DACH1: variants seen among roughly 807,000 people sequenced by gnomAD.
DACH1 encodes the protein dachshund homolog 1.
In DACH1, 12 loss-of-function variants were observed where a neutral mutation model predicts 54.2. The observed-to-expected ratio is 0.22, with a 90% CI of 0.14 to 0.36. The LOEUF is 0.36. Among genes scored for constraint, DACH1 ranks in the 10% least tolerant of loss-of-function variants. DACH1 has a pLI of 1.00. For missense variants in DACH1, 805 were observed against 929.8 expected (o/e 0.87, Z 1.75); for synonymous variants, 386 against 366.2 (o/e 1.05, Z -0.62).
At chr13:71,731,362 G>C (rs1040638622) in intron 1 of DACH1, among the ~76,000 whole-genome samples, 25 of 150,418 alleles carry the variant, frequency 1.7e-4, no homozygotes, top group African/African-American at 5.9e-4. Flanking sequence ...CACCATCTCG[G>C]CTCACTGCAA....
At chr13:71,755,679 A>T (rs892885352) in intron 1 of DACH1, among the ~76,000 whole-genome samples, 3 of 152,166 alleles carry the variant, frequency 2.0e-5, no homozygotes, top group African/African-American at 7.2e-5. Flanking sequence ...CTTCACATAG[A>T]TCTTTAAGAA....
chr13:71,796,081 C>G (rs1016162151), intron 1 of DACH1, among the ~76,000 whole-genome samples: 1 of 152,114 alleles, frequency 6.6e-6, no homozygotes, highest in African/African-American at 2.4e-5. Context: ...ACTGAACATG[C>G]TTCTTTTAAG....
At chr13:71,783,872 A>G (rs186321335) in intron 1 of DACH1, among the ~76,000 whole-genome samples, 1 of 151,408 alleles carries the variant, frequency 6.6e-6, no homozygotes, top group African/African-American at 2.4e-5. Context: ...TAAGAGGTAT[A>G]AAAATAAAAA....
At chr13:71,833,614 G>A (rs1888672641) in intron 1 of DACH1, among the ~76,000 whole-genome samples, 2 of 151,900 alleles carry the variant, frequency 1.3e-5, no homozygotes. Context: ...CACCAACTAT[G>A]GGATTTGGTG....
chr13:71,838,850 T>C (rs1888905516), intron 1 of DACH1, among the ~76,000 whole-genome samples: 2 of 152,254 alleles, frequency 1.3e-5, no homozygotes, highest in Admixed American at 1.3e-4. Context: ...CCGTGGAGCC[T>C]ACCTTTGTGG....
chr13:71,482,959 C>T (rs982503361), intron 7 of DACH1, among the ~76,000 whole-genome samples: 1 of 151,966 alleles, frequency 6.6e-6, no homozygotes, highest in Non-Finnish European at 1.5e-5. Flanking sequence ...TGCCACCATA[C>T]CCGGCTTATT....
intron 2 of DACH1, among the ~76,000 whole-genome samples, chr13:71,655,138 G>A (rs528876392): frequency 2.0e-5 from 3 of 152,238 alleles, no homozygotes; most frequent in East Asian, 1.9e-4. Flanking sequence ...CTTCCCTGAT[G>A]GCTACAGCTG....
intron 1 of DACH1, among the ~76,000 whole-genome samples, chr13:71,746,315 A>G (rs1305299930): frequency 6.6e-6 from 1 of 152,230 alleles, no homozygotes; most frequent in Non-Finnish European, 1.5e-5. Context: ...GGAATGGAAG[A>G]AAATGTTGAA....
chr13:71,760,411 C>A (rs2138005730), intron 1 of DACH1, among the ~76,000 whole-genome samples: 1 of 152,302 alleles, frequency 6.6e-6, no homozygotes, highest in South Asian at 2.1e-4. Context: ...CACTCACTTG[C>A]TCGTTCATTC....
intron 1 of DACH1, among the ~76,000 whole-genome samples, chr13:71,707,599 A>G (rs985608736): frequency 6.6e-6 from 1 of 152,214 alleles, no homozygotes; most frequent in Admixed American, 6.5e-5. Context: ...TAGACGTAAT[A>G]ATTAGGCTCT....
At chr13:71,669,820 A>T (rs1880102582) in intron 2 of DACH1, among the ~76,000 whole-genome samples, 1 of 152,194 alleles carries the variant, frequency 6.6e-6, no homozygotes, top group African/African-American at 2.4e-5. Context: ...ACCAATTCCT[A>T]CCTGTAATGG....
chr13:71,558,082 C>T (rs1884365441), intron 5 of DACH1, among the ~76,000 whole-genome samples: 1 of 151,710 alleles, frequency 6.6e-6, no homozygotes, highest in African/African-American at 2.4e-5. Context: ...TGATTTTGAT[C>T]ATTTTTCTCT....
At chr13:71,815,073 C>A (rs1227949248) in intron 1 of DACH1, among the ~76,000 whole-genome samples, 1 of 152,144 alleles carries the variant, frequency 6.6e-6, no homozygotes, top group East Asian at 1.9e-4. Context: ...AACAAACTGT[C>A]ACATCAACAA....
intron 7 of DACH1, among the ~76,000 whole-genome samples, chr13:71,484,598 C>T (rs1015401195): frequency 2.0e-5 from 3 of 152,174 alleles, no homozygotes; most frequent in Admixed American, 6.5e-5. Flanking sequence ...TCAATGCTAA[C>T]CTCACTCCTA....
chr13:71,837,013 C>A (rs549898345), intron 1 of DACH1, among the ~76,000 whole-genome samples: 17 of 152,064 alleles, frequency 1.1e-4, no homozygotes, highest in Admixed American at 1.1e-3. Context: ...CACACACACA[C>A]ACATACACAC....
In DACH1 at chr13:71,735,412, A is replaced by G. The variant is rs151199589; in HGVS notation, c.849-53502T>C. Among the ~76,000 whole-genome samples, 74 of 19,740 alleles carry G rather than the reference A, an allele frequency of 3.7e-3. 11 individuals carry two copies. The highest frequency in any genetic ancestry group is 7.0e-3 in the East Asian group (7 of 1,004). 13.0% of individuals were successfully genotyped at this position (19,740 alleles called of 152,430 possible). A position where few individuals can be genotyped will look rare whatever the true frequency, so the allele number is the denominator to read the frequency against. Reference sequence around the variant, plus strand: ...GGATATACACGTATACGGGATATACACGTATATGGGATATACACGTATACG... The same window carrying G: ...GGATATACACGTATACGGGATATACGCGTATATGGGATATACACGTATACG... On this transcript the variant is annotated intron_variant, in intron 1 of 10. Transcript: ENST00000613252.
rs531821833 is a variant in DACH1, at chr13:71,490,589, G to C, written c.1571-1441C>G. ...GAAACAGAGTAAGCAAACTAAAGTA[G>C]GACTCATGTTATTTTTCTTTTTAAT... On this transcript the variant is annotated intron_variant, in intron 6 of 10. Transcript: ENST00000613252. Among the ~76,000 whole-genome samples the C allele has an allele frequency of 8.6e-4, 131 of 152,286 alleles. No individual in the cohort carries two copies. The Middle Eastern group carries it at 0.01, about 12-fold the overall frequency.
At chr13:71,625,831 T>C (rs1876603043) in intron 3 of DACH1, among the ~76,000 whole-genome samples, 1 of 151,958 alleles carries the variant, frequency 6.6e-6, no homozygotes, top group Non-Finnish European at 1.5e-5. Context: ...TTAAAGAAAT[T>C]ACAGCAGTTA....
chr13:71,786,568 G>A (rs1283463906), intron 1 of DACH1, among the ~76,000 whole-genome samples: 2 of 152,034 alleles, frequency 1.3e-5, no homozygotes, highest in African/African-American at 4.8e-5. Flanking sequence ...ATCTGAAAAT[G>A]GCATACATTT....
Sources: allele counts gnomAD v4.1 joint callset (sites outside exome capture counted in the v4.1 genomes callset), GRCh38; gene constraint gnomAD v4.1.1; transcripts MANE v1.5; gene names NCBI Gene and HGNC (gene_info 2026-07-23, HGNC 2026-07-21).